The following FAM135B variants were observed in gnomAD, a reference collection of about 807,000 sequenced individuals.
FAM135B encodes the protein family with sequence similarity 135 member B, also known as protein FAM135B.
Under a neutral mutation model 127.7 loss-of-function variants are expected in FAM135B, and 43 were observed. The ratio of observed to expected loss-of-function variants is 0.34; its 90% CI spans 0.26 to 0.43. The LOEUF is 0.43. Among genes scored for constraint, FAM135B ranks in the 20% least tolerant of loss-of-function variants. FAM135B has a pLI of 1.00. For synonymous variants in FAM135B, 670 were observed against 665.1 expected (o/e 1.01, Z -0.11); for missense variants, 1,558 against 1,725.6 (o/e 0.90, Z 1.72).
chr8:138,139,933 G>A (rs1408710040), intron 17 of FAM135B, among the ~76,000 whole-genome samples: 1 of 152,202 alleles, frequency 6.6e-6, no homozygotes, highest in Non-Finnish European at 1.5e-5. Flanking sequence ...TGACTGCTAC[G>A]TCAATGTGTG....
At chr8:138,224,867 A>G (rs1057099299) in intron 7 of FAM135B, among the ~76,000 whole-genome samples, 1 of 152,178 alleles carries the variant, frequency 6.6e-6, no homozygotes, top group Non-Finnish European at 1.5e-5. Context: ...AAAAAAGTCA[A>G]ACTTGTAGAA....
intron 2 of FAM135B, among the ~76,000 whole-genome samples, chr8:138,311,771 G>A (rs1434925923): frequency 3.9e-5 from 6 of 152,094 alleles, no homozygotes; most frequent in African/African-American, 1.4e-4. Context: ...ACATACACTC[G>A]TAGAATGTTT....
intron 2 of FAM135B, among the ~76,000 whole-genome samples, chr8:138,353,303 G>A (rs980423091): frequency 2.6e-5 from 4 of 152,064 alleles, no homozygotes; most frequent in African/African-American, 9.7e-5. Context: ...AGGCTCTCTG[G>A]CTGCTGCTCT....
chr8:138,191,350 T>C (rs1203048733), intron 9 of FAM135B, among the ~76,000 whole-genome samples: 1 of 152,216 alleles, frequency 6.6e-6, no homozygotes, highest in Non-Finnish European at 1.5e-5. Context: ...CACTGGTCCA[T>C]TGGATCAGTA....
At chr8:138,478,357 CA>C (rs1481736933) in intron 1 of FAM135B, among the ~76,000 whole-genome samples, 6 of 152,138 alleles carry the variant, frequency 3.9e-5, no homozygotes, top group Non-Finnish European at 8.8e-5. Flanking sequence ...GAGCTTCACC[CA>C]AAAGTATCCA....
At chr8:138,335,575 C>T (rs1828515575) in intron 2 of FAM135B, among the ~76,000 whole-genome samples, 1 of 152,136 alleles carries the variant, frequency 6.6e-6, no homozygotes, top group Admixed American at 6.5e-5. Context: ...AATATATATG[C>T]ACCCAATACA....
intron 9 of FAM135B, among the ~76,000 whole-genome samples, chr8:138,188,045 G>A (rs2131056090): frequency 6.6e-6 from 1 of 152,026 alleles, no homozygotes; most frequent in East Asian, 2.0e-4. Context: ...ACACTCACCT[G>A]CTAGGAGGAT....
chr8:138,342,136 T>C (rs534523997), intron 2 of FAM135B, among the ~76,000 whole-genome samples: 4 of 152,318 alleles, frequency 2.6e-5, no homozygotes, highest in South Asian at 4.1e-4. Context: ...CAAAACACCA[T>C]GAAATAGGTT....
intron 2 of FAM135B, among the ~76,000 whole-genome samples, chr8:138,343,095 G>A (rs181134164): frequency 9.8e-5 from 15 of 152,310 alleles, no homozygotes; most frequent in Admixed American, 9.8e-4. Context: ...GTCCCATGAC[G>A]AATAGTTGAA....
chr8:138,281,686 C>A (rs1253890524), intron 3 of FAM135B, among the ~76,000 whole-genome samples: 1 of 152,092 alleles, frequency 6.6e-6, no homozygotes, highest in Admixed American at 6.6e-5. Context: ...ATAAGGGTCA[C>A]CTCCCTGTAA....
intron 3 of FAM135B, among the ~76,000 whole-genome samples, chr8:138,309,378 G>C (rs1826494258): frequency 6.6e-6 from 1 of 152,198 alleles, no homozygotes; most frequent in Non-Finnish European, 1.5e-5. Context: ...CCAGGAGAGA[G>C]GGGTGGAGGG....
intron 7 of FAM135B, among the ~76,000 whole-genome samples, chr8:138,226,007 G>A (rs1418231889): frequency 6.6e-6 from 1 of 151,948 alleles, no homozygotes; most frequent in African/African-American, 2.4e-5. Context: ...AGAGGAGAGA[G>A]TTTATAAGGA....
chr8:138,149,448 C>A (rs1195532093), intron 13 of FAM135B, among the ~76,000 whole-genome samples: 2 of 152,196 alleles, frequency 1.3e-5, no homozygotes, highest in Admixed American at 6.5e-5. Context: ...TCTGCATGAA[C>A]TACATGACTT....
chr8:138,184,455 C>A (rs1401861127), intron 9 of FAM135B, among the ~76,000 whole-genome samples: 5 of 152,196 alleles, frequency 3.3e-5, no homozygotes, highest in Admixed American at 2.6e-4. Context: ...ATGAGTCAGA[C>A]AAGGGCTCCC....
At chr8:138,185,788 T>C (rs1247177030) in intron 9 of FAM135B, among the ~76,000 whole-genome samples, 1 of 152,214 alleles carries the variant, frequency 6.6e-6, no homozygotes, top group East Asian at 1.9e-4. Context: ...TGCTCTCCAG[T>C]TGATACTCAG....
chr8:138,134,635 G>C (rs1259413773), intron 19 of FAM135B, among the ~76,000 whole-genome samples: 1 of 152,058 alleles, frequency 6.6e-6, no homozygotes, highest in Non-Finnish European at 1.5e-5. Flanking sequence ...GAGAGGTTGA[G>C]AGGTATTTTA....
At chr8:138,482,842 A>T (rs1814837464) in intron 1 of FAM135B, among the ~76,000 whole-genome samples, 1 of 152,014 alleles carries the variant, frequency 6.6e-6, no homozygotes, top group Non-Finnish European at 1.5e-5. Context: ...TTACATTTTC[A>T]CCATGGAGTA....
intron 3 of FAM135B, among the ~76,000 whole-genome samples, chr8:138,308,331 C>T (rs1007450543): frequency 3.9e-5 from 6 of 152,242 alleles, no homozygotes; most frequent in East Asian, 1.9e-4. Flanking sequence ...CATAAATGTC[C>T]CCAGCCTAGG....
At chr8:138,319,653 A>T (rs1333113103) in intron 2 of FAM135B, among the ~76,000 whole-genome samples, 1 of 152,006 alleles carries the variant, frequency 6.6e-6, no homozygotes, top group African/African-American at 2.4e-5. Context: ...AAAAATAGTC[A>T]TCCTTTATTG....
Sources: allele counts gnomAD v4.1 joint callset (sites outside exome capture counted in the v4.1 genomes callset), GRCh38; gene constraint gnomAD v4.1.1; transcripts MANE v1.5; gene names NCBI Gene and HGNC (gene_info 2026-07-23, HGNC 2026-07-21).